PMAIP1: variants seen among roughly 807,000 people sequenced by gnomAD.
PMAIP1 encodes the protein phorbol-12-myristate-13-acetate-induced protein 1, also known as PMA-induced protein 1.
A neutral mutation model predicts 3.7 loss-of-function variants in PMAIP1; 3 were observed. The ratio of observed to expected loss-of-function variants is 0.82; its 90% CI spans 0.37 to 2.12. The LOEUF (loss-of-function observed/expected upper bound fraction) is 2.12, where lower values mean the gene tolerates loss of function less well. Among genes scored for constraint, PMAIP1 ranks in the 30% most tolerant of loss-of-function variants. PMAIP1 has a pLI of 0.06. For missense variants in PMAIP1, 77 were observed against 67.1 expected (o/e 1.15, Z -0.52); for synonymous variants, 29 against 26.2 (o/e 1.11, Z -0.32).
At chr18:59,902,516 C>T (rs1020245270) in intron 1 of PMAIP1, 131 bp from the exon 2 acceptor site, 5 of 730,018 alleles carry the variant, frequency 6.8e-6, no homozygotes, top group Non-Finnish European at 1.2e-5. Flanking sequence ...AACAGGTGCA[C>T]ATAAAGCCAA....
chr18:59,901,227 T>C (rs963157970), intron 1 of PMAIP1, among the ~76,000 whole-genome samples: 9 of 152,248 alleles, frequency 5.9e-5, no homozygotes, highest in African/African-American at 2.2e-4. Flanking sequence ...TTGATTTGAT[T>C]GATACTAATA....
At chr18:59,900,645 C>T in intron 1 of PMAIP1, 1 of 1,510,238 alleles carries the variant, frequency 6.6e-7, no homozygotes, top group Non-Finnish European at 8.9e-7. Flanking sequence ...CCCCGGGGAC[C>T]GCCTGGACTC....
Position 59,902,963 on chromosome 18 carries a change from A to T in PMAIP1, c.*210A>T. 1.4e-6 allele frequency: 1 copy of T among 739,222 alleles called. No homozygotes were observed. The highest frequency in any genetic ancestry group is 2.2e-6 in the Non-Finnish European group (1 of 444,642). The allele number at this position is 739,222 out of a possible 1,614,324, so 45.8% of individuals were successfully genotyped here. On this transcript the variant is annotated 3_prime_UTR_variant, in exon 2 of 2. Coordinates refer to ENST00000316660, the MANE Select transcript of PMAIP1 (RefSeq NM_021127.3). ...TCATTCTTTGGGATGAGAGAACATT[A>T]TAAAACCACTTTGTTTATTTTAAAG...
intron 1 of PMAIP1, chr18:59,900,810 C>G (rs2075548549): frequency 1.9e-6 from 1 of 523,192 alleles, no homozygotes; most frequent in East Asian, 3.3e-5. Flanking sequence ...ACTCCCCACC[C>G]CGATACATAC....
intron 1 of PMAIP1, 42 bp downstream of exon 1, chr18:59,900,277 G>T (rs1258130217): frequency 6.5e-7 from 1 of 1,532,426 alleles, no homozygotes; most frequent in South Asian, 1.2e-5. Context: ...GGCCGGGCGG[G>T]GTCGGGGCCG....
At position 59,903,628 on chromosome 18, in the gene PMAIP1, G is replaced by C. The variant is rs2055789187; in HGVS notation, c.*875G>C. 3 of 152,280 alleles carry C rather than the reference G, an allele frequency of 2.0e-5. No homozygotes were observed. In the South Asian group the frequency reaches 6.2e-4, roughly 32 times the overall value. 9.4% of individuals were successfully genotyped at this position (152,280 alleles called of 1,614,324 possible). A position where few individuals can be genotyped will look rare whatever the true frequency, so the allele number is the denominator to read the frequency against. Reference sequence around the variant, plus strand: ...TTGATAAGATATGAATGTTTCTAAAGAAGTTTCTAAAGGTTCGGAAAATGC... The same window carrying C: ...TTGATAAGATATGAATGTTTCTAAACAAGTTTCTAAAGGTTCGGAAAATGC... On this transcript the variant is annotated 3_prime_UTR_variant, in exon 2 of 2. Transcript: ENST00000316660.
chr18:59,902,652 G>A lies in PMAIP1; in HGVS notation c.64G>A (p.Glu22Lys). 6.2e-7 allele frequency: 1 copy of A among 1,613,870 alleles called. No homozygotes were observed. The highest frequency in any genetic ancestry group is 1.1e-5 in the South Asian group (1 of 91,078). The change falls in exon 2 of 2, where the codon GAA becomes AAA. Residue 22 changes from glutamate to lysine, a missense_variant. Glu to Lys is a moderately conservative substitution (Grantham distance 56). Transcript: ENST00000316660. ...PSPARAPAEL[E>K]VECATQLRRF... ...TGTTTTGCTTTCCTTCTCAGAGCTGGAAGTCGAGTGTGCTACTCAACTCAG... is the reference window on the plus strand; with the variant it reads ...TGTTTTGCTTTCCTTCTCAGAGCTGAAAGTCGAGTGTGCTACTCAACTCAG...
At position 59,902,810 on chromosome 18, in the gene PMAIP1, A is replaced by G; in HGVS notation, c.*57A>G. On this transcript the variant is annotated 3_prime_UTR_variant, in exon 2 of 2. Coordinates refer to ENST00000316660, the MANE Select transcript of PMAIP1 (RefSeq NM_021127.3). The stretch of plus-strand genomic sequence containing the variant: ...TCAAAAGAGTTTTCTCAGGAGGTGC[A>G]CGTTTCATCAATTTGAAGAAAGACT... 1 of 1,612,858 alleles carries G rather than the reference A, an allele frequency of 6.2e-7. No homozygotes were observed. Among genetic ancestry groups the G allele is most frequent in the Non-Finnish European group, 8.5e-7 (1 of 1,179,282 alleles).
chr18:59,900,819 A>G, intron 1 of PMAIP1: 1 of 476,918 alleles, frequency 2.1e-6, no homozygotes, highest in Non-Finnish European at 3.7e-6. Context: ...CCCGATACAT[A>G]CAGCTCCATC....
chr18:59,902,541 CT>C, intron 1 of PMAIP1, 105 bp from the exon 2 acceptor site: 1 of 921,282 alleles, frequency 1.1e-6, no homozygotes, highest in Non-Finnish European at 1.7e-6. Flanking sequence ...AAGAGAAATG[CT>C]TCCTGGGATA....
Position 59,900,122 on chromosome 18 carries a change from G to C in PMAIP1, c.-56G>C. The C allele has an allele frequency of 6.5e-7, 1 of 1,530,160 alleles. No homozygotes were observed. Among genetic ancestry groups the C allele is most frequent in the South Asian group, 1.2e-5 (1 of 83,938 alleles). The allele number at this position is 1,530,160 out of a possible 1,614,324, so 94.8% of individuals were successfully genotyped here. A position where few individuals can be genotyped will look rare whatever the true frequency, so the allele number is the denominator to read the frequency against. ...TCCTGCAGCTGTCCGAGGTGCTCCA[G>C]TTGGAGGCTGAGGTTCCCGGGCTCT... On this transcript the variant is annotated 5_prime_UTR_variant, in exon 1 of 2. Transcript: ENST00000316660.
chr18:59,900,541 C>T (rs1389455050), intron 1 of PMAIP1: 1 of 1,550,574 alleles, frequency 6.4e-7, no homozygotes, highest in South Asian at 1.2e-5. Context: ...CTCCTCGCCA[C>T]TTGCCCTTCC....
Position 59,903,243 on chromosome 18 carries a change from G to T in PMAIP1, c.*490G>T. On this transcript the variant is annotated 3_prime_UTR_variant, in exon 2 of 2. Coordinates refer to ENST00000316660, the MANE Select transcript of PMAIP1 (RefSeq NM_021127.3). ...TTTATACATATTACCTTGTTATAAT[G>T]AAAAAACTCATTCTGAGAACACTGA... 5.2e-6 allele frequency: 1 copy of T among 192,114 alleles called. No homozygotes were observed. The highest frequency in any genetic ancestry group is 2.3e-5 in the African/African-American group (1 of 42,592). 11.9% of individuals were successfully genotyped at this position (192,114 alleles called of 1,614,324 possible). A position where few individuals can be genotyped will look rare whatever the true frequency, so the allele number is the denominator to read the frequency against.
chr18:59,901,803 T>G (rs1170169100), intron 1 of PMAIP1, among the ~76,000 whole-genome samples: 1 of 152,318 alleles, frequency 6.6e-6, no homozygotes, highest in African/African-American at 2.4e-5. Flanking sequence ...GTCAGTATAG[T>G]GTTAACTGCA....
intron 1 of PMAIP1, among the ~76,000 whole-genome samples, chr18:59,901,273 A>C (rs1408093662): frequency 6.6e-6 from 1 of 152,242 alleles, no homozygotes; most frequent in African/African-American, 2.4e-5. Flanking sequence ...TTAAAAAATT[A>C]AGGAAATGAC....
At chr18:59,900,855 C>A (rs1002998693) in intron 1 of PMAIP1, 19 of 404,218 alleles carry the variant, frequency 4.7e-5, no homozygotes, top group Admixed American at 7.8e-5. Flanking sequence ...AGCGCCCCGG[C>A]CCCATGCTTT....
Position 59,902,643 on chromosome 18 carries a change from T to G in PMAIP1, c.59-4T>G. On this transcript the variant is annotated splice_region_variant and splice_polypyrimidine_tract_variant and intron_variant, in intron 1 of 1. Transcript: ENST00000316660. ...TCATGTCCATGTTTTGCTTTCCTTC[T>G]CAGAGCTGGAAGTCGAGTGTGCTAC... is the stretch of plus-strand genomic sequence containing the variant. The G allele has an allele frequency of 6.2e-7, 1 of 1,613,798 alleles. No homozygotes were observed. Among genetic ancestry groups the G allele is most frequent in the Non-Finnish European group, 8.5e-7 (1 of 1,179,668 alleles).
At chr18:59,901,979 G>A (rs1763942697) in intron 1 of PMAIP1, among the ~76,000 whole-genome samples, 1 of 152,170 alleles carries the variant, frequency 6.6e-6, no homozygotes, top group Non-Finnish European at 1.5e-5. Context: ...TGGGGTTATA[G>A]GAAGAAGTGG....
intron 1 of PMAIP1, 92 bp from the exon 2 acceptor site, chr18:59,902,555 C>T: frequency 9.4e-7 from 1 of 1,062,618 alleles, no homozygotes; most frequent in South Asian, 1.3e-5. Flanking sequence ...CTGGGATACT[C>T]AATTTGTCAC....
Sources: allele counts gnomAD v4.1 joint callset (sites outside exome capture counted in the v4.1 genomes callset), GRCh38; gene constraint gnomAD v4.1.1; transcripts MANE v1.5; gene names NCBI Gene and HGNC (gene_info 2026-07-23, HGNC 2026-07-21).